SHISA6: variants seen among roughly 807,000 people sequenced by gnomAD.
SHISA6 encodes the protein shisa family member 6.
Under a neutral mutation model 47.9 loss-of-function variants are expected in SHISA6, and 22 were observed. The observed-to-expected ratio is 0.46, with a 90% CI of 0.33 to 0.66. The LOEUF is 0.66. SHISA6 is among the 30% of genes least tolerant of loss of function. The probability of loss-of-function intolerance (pLI) is 0.02; values close to 1 mark genes in which losing one functional copy is unlikely to be tolerated. For missense variants in SHISA6, 680 were observed against 764.6 expected, an observed-to-expected ratio of 0.89 and a Z score of 1.30; for synonymous variants, 388 against 337.8, an observed-to-expected ratio of 1.15 and a Z score of -1.63.
At chr17:11,496,738 C>CA (rs1345359665) in intron 3 of SHISA6, among the ~76,000 whole-genome samples, 6 of 89,986 alleles carry the variant, frequency 6.7e-5, no homozygotes, top group Admixed American at 1.3e-4. Context: ...GACTCCATCT[C>CA]AAAAAAAAAG....
At chr17:11,532,237 A>G (rs1372158654) in intron 3 of SHISA6, among the ~76,000 whole-genome samples, 1 of 152,220 alleles carries the variant, frequency 6.6e-6, no homozygotes, top group African/African-American at 2.4e-5. Context: ...AGGCACCGGG[A>G]TCTTCCCTAG....
In SHISA6 at chr17:11,485,621, G is replaced by A. The variant is rs532118669; in HGVS notation, c.896-66275G>A. ...GAGTGAGCCTCTTTCTCTGCAAAAC[G>A]AGTTTTCACACAATTGTTACAATCA... On this transcript the variant is annotated intron_variant, in intron 3 of 5. Coordinates refer to ENST00000441885, the MANE Select transcript of SHISA6 (RefSeq NM_207386.4). Among the ~76,000 whole-genome samples the A allele has an allele frequency of 5.2e-4, 79 of 152,182 alleles. 1 individual carries two copies. The highest frequency in any genetic ancestry group is 8.8e-4 in the Non-Finnish European group (60 of 68,018).
intron 1 of SHISA6, among the ~76,000 whole-genome samples, chr17:11,258,770 G>A (rs1908113080): frequency 6.6e-6 from 1 of 152,214 alleles, no homozygotes; most frequent in South Asian, 2.1e-4. Context: ...AGCTGTTGAT[G>A]TGAATGACAC....
intron 3 of SHISA6, among the ~76,000 whole-genome samples, chr17:11,493,461 A>T (rs982708190): frequency 1.3e-5 from 2 of 152,182 alleles, no homozygotes; most frequent in African/African-American, 4.8e-5. Context: ...TCCTGATGTC[A>T]AGTAATCCGC....
intron 2 of SHISA6, among the ~76,000 whole-genome samples, chr17:11,274,386 G>A (rs941792729): frequency 2.0e-5 from 3 of 152,242 alleles, no homozygotes; most frequent in Admixed American, 6.5e-5. Flanking sequence ...ACCTCCATGA[G>A]TTGGCAAAAC....
chr17:11,343,372 A>G (rs1911598790), intron 2 of SHISA6, among the ~76,000 whole-genome samples: 2 of 152,182 alleles, frequency 1.3e-5, no homozygotes, highest in Non-Finnish European at 2.9e-5. Flanking sequence ...GCTTTCAGGA[A>G]GCAGAGCCTG....
chr17:11,498,393 C>T (rs888570209), intron 3 of SHISA6, among the ~76,000 whole-genome samples: 19 of 152,194 alleles, frequency 1.2e-4, no homozygotes, highest in South Asian at 4.2e-4. Context: ...TCTAAGATGT[C>T]CTTTAAGAGA....
intron 2 of SHISA6, among the ~76,000 whole-genome samples, chr17:11,361,047 T>G (rs1190580919): frequency 1.5e-4 from 1 of 6,464 alleles, no homozygotes; most frequent in African/African-American, 1.8e-4. Context: ...TTTTTCCTGT[T>G]TTTTTTTTTG....
intron 2 of SHISA6, among the ~76,000 whole-genome samples, chr17:11,283,481 G>T (rs1490169388): frequency 6.6e-6 from 1 of 152,128 alleles, no homozygotes; most frequent in East Asian, 1.9e-4. Context: ...GTCTACTACA[G>T]AATTAAAATT....
intron 2 of SHISA6, among the ~76,000 whole-genome samples, chr17:11,273,798 C>T (rs1484704462): frequency 1.3e-5 from 2 of 152,238 alleles, no homozygotes; most frequent in African/African-American, 4.8e-5. Context: ...GTCCAGGACT[C>T]ACTCTCTCAC....
chr17:11,385,820 G>A (rs1162330295), intron 3 of SHISA6, among the ~76,000 whole-genome samples: 1 of 152,116 alleles, frequency 6.6e-6, no homozygotes, highest in African/African-American at 2.4e-5. Flanking sequence ...CCAGGGTGGT[G>A]TGCTGTCTTG....
intron 2 of SHISA6, among the ~76,000 whole-genome samples, chr17:11,341,816 A>G (rs1911540933): frequency 1.3e-5 from 2 of 152,222 alleles, no homozygotes; most frequent in Admixed American, 1.3e-4. Flanking sequence ...TGTTGCCCAT[A>G]GACTGCACTT....
At chr17:11,492,149 G>C (rs1437458897) in intron 3 of SHISA6, among the ~76,000 whole-genome samples, 2 of 152,050 alleles carry the variant, frequency 1.3e-5, no homozygotes, top group South Asian at 4.1e-4. Context: ...GTCTCCTGTT[G>C]GATCTTTATG....
intron 4 of SHISA6, 62 bp from the exon 5 acceptor site, chr17:11,555,678 A>T: frequency 6.9e-7 from 1 of 1,451,010 alleles, no homozygotes; most frequent in Non-Finnish European, 9.1e-7. Flanking sequence ...GGTGAGGCAG[A>T]AAGCACACCT....
chr17:11,552,524 A>G (rs2071940308), intron 4 of SHISA6, among the ~76,000 whole-genome samples: 1 of 152,240 alleles, frequency 6.6e-6, no homozygotes, highest in Non-Finnish European at 1.5e-5. Flanking sequence ...CTGAACAGAG[A>G]AAATCTATTT....
At chr17:11,300,149 C>CAAAAAAAAAAAAAAAAAAAAAAAA (rs56060137) in intron 2 of SHISA6, among the ~76,000 whole-genome samples, 3 of 129,160 alleles carry the variant, frequency 2.3e-5, no homozygotes, top group East Asian at 2.3e-4. Context: ...CATCTTAAAA[C>CAAAAAAAAAAAAAAAAAAAAAAAA]AAAAAAAAAA....
chr17:11,418,858 T>A (rs1019141337), intron 3 of SHISA6, among the ~76,000 whole-genome samples: 1 of 152,168 alleles, frequency 6.6e-6, no homozygotes, highest in Non-Finnish European at 1.5e-5. Context: ...TGGAGATCAT[T>A]TTATTTCTAT....
chr17:11,442,649 A>G (rs1413112316), intron 3 of SHISA6, among the ~76,000 whole-genome samples: 1 of 152,210 alleles, frequency 6.6e-6, no homozygotes, highest in Non-Finnish European at 1.5e-5. Flanking sequence ...GTAAAGACTC[A>G]GCACTGTTTG....
At chr17:11,469,019 A>G (rs1915874479) in intron 3 of SHISA6, among the ~76,000 whole-genome samples, 1 of 30,036 alleles carries the variant, frequency 3.3e-5, no homozygotes. Flanking sequence ...ACTCCGTCTC[A>G]AAAAAAAAAA....
Sources: gnomAD v4.1 joint callset for allele counts (sites outside exome capture counted in the v4.1 genomes callset) on GRCh38, gnomAD v4.1.1 for gene constraint, MANE v1.5 for transcripts, NCBI Gene and HGNC (gene_info 2026-07-23, HGNC 2026-07-21) for gene names.